The following RAI1 variants were observed in gnomAD, a reference collection of about 807,000 sequenced individuals.
RAI1 encodes the protein retinoic acid-induced protein 1.
A neutral mutation model predicts 123.8 loss-of-function variants in RAI1; 9 were observed. The observed-to-expected ratio is 0.07, with a 90% CI of 0.04 to 0.13. The LOEUF is 0.13. Ranked by LOEUF, RAI1 falls within the 10% of genes least tolerant of loss-of-function variation. The pLI, the probability that RAI1 is intolerant of heterozygous loss-of-function variation, is 1.00. For synonymous variants in RAI1, 1,231 were observed against 1,127.3 expected (o/e 1.09, Z -1.84); for missense variants, 2,256 against 2,545.8 (o/e 0.89, Z 2.45).
At chr17:17,792,268 C>T (rs952153204) in intron 2 of RAI1, among the ~76,000 whole-genome samples, 2 of 152,010 alleles carry the variant, frequency 1.3e-5, no homozygotes, top group African/African-American at 4.8e-5. Context: ...AAGGAACAGA[C>T]AGATTCCAGA....
rs150094420 is a variant in RAI1 at position 17,732,566 on chromosome 17, C to T, written c.-17+8407C>T. On this transcript the variant is annotated intron_variant, in intron 2 of 5. Coordinates refer to ENST00000353383, the MANE Select transcript of RAI1 (RefSeq NM_030665.4). ...TGCAGGCTTCTTTAAGAATCTCTTC[C>T]TCCCTCATTAATCCTACAGGTCCCA... Among the ~76,000 whole-genome samples the T allele has an allele frequency of 2.3e-3, 346 of 152,210 alleles. 1 individual carries two copies. The highest frequency in any genetic ancestry group is 7.4e-3 in the African/African-American group (309 of 41,520).
chr17:17,693,140 G>T (rs895838864), intron 1 of RAI1, among the ~76,000 whole-genome samples: 2 of 152,246 alleles, frequency 1.3e-5, no homozygotes, highest in African/African-American at 4.8e-5. Flanking sequence ...TCTGCCCAGG[G>T]TGGGCACTGA....
At chr17:17,781,599 C>A (rs1028091964) in intron 2 of RAI1, among the ~76,000 whole-genome samples, 3 of 151,922 alleles carry the variant, frequency 2.0e-5, no homozygotes, top group African/African-American at 7.3e-5. Flanking sequence ...AGGGAGGGGT[C>A]TGGGTGAGTC....
At chr17:17,749,104 G>T (rs374885288) in intron 2 of RAI1, among the ~76,000 whole-genome samples, 5 of 152,178 alleles carry the variant, frequency 3.3e-5, no homozygotes, top group Non-Finnish European at 7.4e-5. Context: ...AACCATCCCC[G>T]TCCAGAAAGA....
intron 2 of RAI1, among the ~76,000 whole-genome samples, chr17:17,780,454 G>T (rs1395707412): frequency 6.6e-6 from 1 of 152,022 alleles, no homozygotes; most frequent in African/African-American, 2.4e-5. Flanking sequence ...TCACCCCTGG[G>T]TGCCTGTATC....
chr17:17,810,014 AG>A lies in RAI1; in HGVS notation c.*34del. ...CCCCAACGGCCGGAGGAGCCGCCGG[AG>A]CCCGCCTGCCCGCCCGCCGCCGAAG... On this transcript the variant is annotated 3_prime_UTR_variant, in exon 6 of 6. Transcript: ENST00000353383. This position sits in a 1 kb window ranked among gnomAD's most constrained non-coding sequence, Gnocchi z 4.6. The A allele has an allele frequency of 6.5e-7, 1 of 1,543,328 alleles. No individual in the cohort carries two copies. The highest frequency in any genetic ancestry group is 8.7e-7 in the Non-Finnish European group (1 of 1,144,826).
Position 17,810,366 on chromosome 17 carries a change from A to G in RAI1, c.*385A>G. ...CTCTGGAATCTCAAGACGACGTGGC[A>G]CACATTCCACGTGGGTGCTGCCGCC... is the stretch of plus-strand genomic sequence containing the variant. On this transcript the variant is annotated 3_prime_UTR_variant, in exon 6 of 6. Coordinates refer to ENST00000353383, the MANE Select transcript of RAI1 (RefSeq NM_030665.4). The surrounding 1 kb of genome is among the most constrained non-coding windows in gnomAD (Gnocchi z 4.6). 1 of 300,032 alleles carries G rather than the reference A, an allele frequency of 3.3e-6. No individual in the cohort carries two copies. Among genetic ancestry groups the G allele is most frequent in the Non-Finnish European group, 6.3e-6 (1 of 159,874 alleles). The allele number at this position is 300,032 out of a possible 1,614,324, so 18.6% of individuals were successfully genotyped here.
At position 17,795,670 on chromosome 17, in the gene RAI1, C is replaced by T; in HGVS notation, c.2722C>T (p.Leu908=). The T allele has an allele frequency of 6.2e-7, 1 of 1,613,308 alleles. No individual in the cohort carries two copies. The highest frequency in any genetic ancestry group is 8.5e-7 in the Non-Finnish European group (1 of 1,179,974). ...ICTKEEVEEV[L]DSKAGWGSPC... is the part of the protein sequence containing the mutation. ...CACCAAGGAGGAGGTGGAGGAGGTG[C>T]TGGACTCCAAGGCCGGCTGGGGCTC... Residue 908 remains leucine, a synonymous_variant, in exon 3 of 6, where the codon CTG becomes TTG. Transcript: ENST00000353383. The surrounding 1 kb of genome is among the most constrained non-coding windows in gnomAD (Gnocchi z 5.9).
intron 2 of RAI1, among the ~76,000 whole-genome samples, chr17:17,731,659 C>T (rs1388867947): frequency 1.3e-5 from 2 of 152,132 alleles, no homozygotes; most frequent in Admixed American, 1.3e-4. Context: ...TCCCTGAGAA[C>T]TCCTGAGTCC....
chr17:17,694,252 G>A (rs1914933955), intron 1 of RAI1, among the ~76,000 whole-genome samples: 1 of 152,148 alleles, frequency 6.6e-6, no homozygotes, highest in African/African-American at 2.4e-5. Context: ...CGGATGCCTG[G>A]GGTGTAGGTG....
chr17:17,807,393 C>G (rs944821412), intron 4 of RAI1, among the ~76,000 whole-genome samples: 2 of 152,182 alleles, frequency 1.3e-5, no homozygotes, highest in Non-Finnish European at 2.9e-5. Context: ...TGGCTGCCAG[C>G]CTCTGCCCTG....
chr17:17,694,757 G>A (rs1914957670), intron 1 of RAI1, among the ~76,000 whole-genome samples: 1 of 149,678 alleles, frequency 6.7e-6, no homozygotes, highest in Non-Finnish European at 1.5e-5. Context: ...GGCCAGGCGG[G>A]GGGCGAGGCG....
chr17:17,699,629 C>CGGG (rs372576220), intron 1 of RAI1, among the ~76,000 whole-genome samples: 15 of 50,678 alleles, frequency 3.0e-4, no homozygotes, highest in Non-Finnish European at 5.8e-4. Context: ...GTCGGGGGGC[C>CGGG]GGGGGGGGGG....
Position 17,809,984 on chromosome 17 carries a change from A to T in RAI1, c.*3A>T. On this transcript the variant is annotated 3_prime_UTR_variant, in exon 6 of 6. Transcript: ENST00000353383. This position sits in a 1 kb window ranked among gnomAD's most constrained non-coding sequence, Gnocchi z 4.9. ...GTCTTTTGCAGAGGCTGCCGTAGTA[A>T]TCCACCCCAACGGCCGGAGGAGCCG... 1 of 1,550,278 alleles carries T rather than the reference A, an allele frequency of 6.5e-7. No homozygotes were observed. Among genetic ancestry groups the T allele is most frequent in the Non-Finnish European group, 8.7e-7 (1 of 1,148,528 alleles).
chr17:17,769,928 C>T (rs1319323294), intron 2 of RAI1, among the ~76,000 whole-genome samples: 1 of 151,670 alleles, frequency 6.6e-6, no homozygotes, highest in African/African-American at 2.4e-5. Flanking sequence ...GATGCGGTCA[C>T]CCGGGAAGAG....
At chr17:17,700,715 G>A (rs1409308975) in intron 1 of RAI1, among the ~76,000 whole-genome samples, 5 of 152,086 alleles carry the variant, frequency 3.3e-5, no homozygotes, top group Non-Finnish European at 7.4e-5. Flanking sequence ...GGCCCCTCTC[G>A]TCCTCGGGGC....
At chr17:17,730,906 A>G (rs2142947579) in intron 2 of RAI1, among the ~76,000 whole-genome samples, 1 of 152,376 alleles carries the variant, frequency 6.6e-6, no homozygotes, top group East Asian at 1.9e-4. Context: ...TCCCAGCCAC[A>G]GGGGCCTTAC....
chr17:17,683,806 G>A (rs1914527158), intron 1 of RAI1: 1 of 152,208 alleles, frequency 6.6e-6, no homozygotes, highest in Non-Finnish European at 1.5e-5. Flanking sequence ...GGGAACTCAG[G>A]GGTACTGGAG....
Position 17,797,710 on chromosome 17 carries a change from T to A in RAI1, c.4762T>A (p.Ser1588Thr). ...KYISSCKRLR[S>T]DSRTPAFSPF... is the part of the protein sequence containing the mutation. Reference sequence around the variant, plus strand: ...CATTTCCTCTTGCAAGCGGCTGAGGTCAGACAGCCGGACCCCCGCCTTCTC... The same window carrying A: ...CATTTCCTCTTGCAAGCGGCTGAGGACAGACAGCCGGACCCCCGCCTTCTC... The change falls in exon 3 of 6, where the codon TCA becomes ACA. Residue 1588 changes from serine (S) to threonine (T), a missense_variant. Transcript: ENST00000353383. 6.2e-7 allele frequency: 1 copy of A among 1,613,450 alleles called. No individual in the cohort carries two copies.
Sources: gnomAD v4.1 joint callset for allele counts (sites outside exome capture counted in the v4.1 genomes callset) on GRCh38, gnomAD v4.1.1 for gene constraint, Gnocchi (gnomAD v3.1) non-coding constraint, MANE v1.5 for transcripts, NCBI Gene and HGNC (gene_info 2026-07-23, HGNC 2026-07-21) for gene names.